KDR: variants seen among roughly 807,000 people sequenced by gnomAD.
The protein encoded by KDR is kinase insert domain receptor, also known as vascular endothelial growth factor receptor 2.
In KDR, 43 loss-of-function variants were observed where a neutral mutation model predicts 160.9. That is an observed-to-expected ratio of 0.27 (90% CI 0.21 to 0.34). KDR has a LOEUF of 0.34. Ranked by LOEUF, KDR falls within the 10% of genes least tolerant of loss-of-function variation. The pLI, the probability that KDR is intolerant of heterozygous loss-of-function variation, is 1.00. For synonymous variants in KDR, 617 were observed against 600.1 expected (o/e 1.03, Z -0.41); for missense variants, 1,469 against 1,666.4 (o/e 0.88, Z 2.06).
intron 26 of KDR, among the ~76,000 whole-genome samples, chr4:55,088,589 T>G (rs1719928214): frequency 1.3e-5 from 2 of 152,238 alleles, no homozygotes; most frequent in African/African-American, 4.8e-5. Flanking sequence ...CCAGATTTTT[T>G]CTTTGTTTTA....
intron 7 of KDR, among the ~76,000 whole-genome samples, chr4:55,112,586 T>C (rs1400505424): frequency 6.8e-6 from 1 of 146,380 alleles, no homozygotes; most frequent in East Asian, 2.0e-4. Flanking sequence ...TGGGGTACAA[T>C]GGCACGATCT....
At chr4:55,116,083 A>C (rs1222021256) in intron 3 of KDR, among the ~76,000 whole-genome samples, 3 of 152,176 alleles carry the variant, frequency 2.0e-5, no homozygotes, top group Admixed American at 6.5e-5. Context: ...TTCAATGACA[A>C]ACATTTGAAA....
rs2125490 is a variant in KDR, at chr4:55,120,587, T to C, written c.161+510A>G. ...TCATGCGCTCAGTAATATTACCCAC[T>C]AAATATTAAATTGCTATTAAATATT... On this transcript the variant is annotated intron_variant, in intron 2 of 29. Coordinates refer to ENST00000263923, the MANE Select transcript of KDR (RefSeq NM_002253.4). Among the ~76,000 whole-genome samples the C allele has an allele frequency of 7.0e-3, 1,060 of 152,298 alleles. 16 individuals carry two copies. Among genetic ancestry groups the C allele is most frequent in the African/African-American group, 0.024 (1,001 of 41,558 alleles).
intron 27 of KDR, 31 bp downstream of exon 27, chr4:55,087,576 C>G: frequency 6.2e-7 from 1 of 1,610,644 alleles, no homozygotes; most frequent in Non-Finnish European, 8.5e-7. Flanking sequence ...AAGTCACCCT[C>G]CCCCGGGGGA....
chr4:55,098,335 T>G, intron 16 of KDR, 63 bp from the exon 17 acceptor site: 1 of 1,580,764 alleles, frequency 6.3e-7, no homozygotes, highest in South Asian at 1.1e-5. Context: ...TTTGTGTGCT[T>G]GTTATTGCTG....
At position 55,096,277 on chromosome 4, in the gene KDR, G is replaced by A. The variant is rs1427460930; in HGVS notation, c.2680C>T (p.His894Tyr). The A allele has an allele frequency of 3.7e-6, 6 of 1,613,506 alleles. No homozygotes were observed. The highest frequency in any genetic ancestry group is 5.1e-6 in the Non-Finnish European group (6 of 1,179,742). Residue 894 changes from histidine to tyrosine, a missense_variant, in exon 19 of 30, where the codon CAC becomes TAC. His to Tyr is a moderately conservative substitution (Grantham distance 83). Coordinates refer to ENST00000263923, the MANE Select transcript of KDR (RefSeq NM_002253.4). ...AGAAGGTTGACCACATTGAGATGGT[G>A]ACCAATATGAATGAGGATCTTGAGT... ...SELKILIHIG[H>Y]HLNVVNLLGA...
At chr4:55,114,000 T>C in intron 6 of KDR, 126 bp downstream of exon 6, 1 of 904,134 alleles carries the variant, frequency 1.1e-6, no homozygotes, top group Non-Finnish European at 1.9e-6. Flanking sequence ...TGAGTGGGTG[T>C]GTATGTGTGT....
At chr4:55,110,898 A>G (rs773863527) in intron 7 of KDR, 130 bp from the exon 8 acceptor site, 61 of 717,984 alleles carry the variant, frequency 8.5e-5, no homozygotes, top group Non-Finnish European at 1.2e-4. Flanking sequence ...TTCCTGTACT[A>G]TCTTTCAGTG....
chr4:55,084,424 G>A (rs1719809347), intron 27 of KDR, among the ~76,000 whole-genome samples: 1 of 152,184 alleles, frequency 6.6e-6, no homozygotes, highest in Non-Finnish European at 1.5e-5. Flanking sequence ...AACTAGGGTT[G>A]GCGAGTTTGG....
intron 13 of KDR, among the ~76,000 whole-genome samples, chr4:55,103,167 G>C (rs1295293510): frequency 6.6e-6 from 1 of 152,132 alleles, no homozygotes; most frequent in African/African-American, 2.4e-5. Flanking sequence ...AATACCCTAA[G>C]GGAAGTCTTG....
chr4:55,091,283 T>C (rs1720005654), intron 22 of KDR, among the ~76,000 whole-genome samples: 1 of 152,190 alleles, frequency 6.6e-6, no homozygotes, highest in Non-Finnish European at 1.5e-5. Flanking sequence ...TCTAGCACAA[T>C]TGAGCAACAC....
chr4:55,088,409 T>C (rs895088090), intron 26 of KDR, among the ~76,000 whole-genome samples: 6 of 152,212 alleles, frequency 3.9e-5, no homozygotes, highest in Non-Finnish European at 8.8e-5. Context: ...TTAAATAACA[T>C]TCTAATAGTA....
chr4:55,110,867 G>T, intron 7 of KDR, 99 bp from the exon 8 acceptor site: 2 of 940,244 alleles, frequency 2.1e-6, no homozygotes, highest in Non-Finnish European at 3.3e-6. Context: ...TTGAGGGTCT[G>T]AGTAGCTGCA....
At chr4:55,102,073 T>C (rs1256379163) in intron 14 of KDR, 45 bp from the exon 15 acceptor site, 2 of 1,612,672 alleles carry the variant, frequency 1.2e-6, no homozygotes, top group Admixed American at 3.3e-5. Context: ...GATGATGTAG[T>C]CTGTGAAGTT....
At chr4:55,103,911 G>C (rs1466442612) in intron 13 of KDR, among the ~76,000 whole-genome samples, 1 of 152,164 alleles carries the variant, frequency 6.6e-6, no homozygotes, top group Non-Finnish European at 1.5e-5. Flanking sequence ...AGCCATGGCT[G>C]CCCAGCTTTT....
intron 18 of KDR, 27 bp downstream of exon 18, chr4:55,097,631 AAGAT>A (rs1332522767): frequency 8.0e-6 from 11 of 1,369,138 alleles, no homozygotes; most frequent in Non-Finnish European, 1.1e-5. Context: ...ATAAAACAGA[AAGAT>A]AGATCACCAC....
In KDR at chr4:55,087,730, A is replaced by G. The variant is rs760114131; in HGVS notation, c.3539T>C (p.Ile1180Thr). 6.2e-6 allele frequency: 10 copies of G among 1,614,064 alleles called. No individual in the cohort carries two copies. Among genetic ancestry groups the G allele is most frequent in the African/African-American group, 1.3e-5 (1 of 74,946 alleles). Residue 1180 changes from isoleucine to threonine, a missense_variant, in exon 27 of 30, where the codon ATA becomes ACA. Transcript: ENST00000263923. ...QDGKDYIVLP[I>T]SETLSMEEDS... ...CTCTTCCATGCTCAAAGTCTCTGATATCGGAAGAACAATGTAGTCTTTGCC... is the reference window on the plus strand; with the variant it reads ...CTCTTCCATGCTCAAAGTCTCTGATGTCGGAAGAACAATGTAGTCTTTGCC...
intron 10 of KDR, 95 bp downstream of exon 10, chr4:55,107,642 G>A (rs889616591): frequency 2.5e-5 from 39 of 1,544,494 alleles, no homozygotes; most frequent in Non-Finnish European, 3.3e-5. Context: ...ACTTTTTTTG[G>A]TTTAGGCTTC....
Position 55,096,345 on chromosome 4 carries a change from A to G in KDR, c.2615-3T>C. On this transcript the variant is annotated splice_polypyrimidine_tract_variant and splice_region_variant and intron_variant, in intron 18 of 29. Transcript: ENST00000263923. Reference sequence around the variant, plus strand: ...ATGCTCACTGTGTGTTGCTCCTTCTACAAATACAGTACAAAGAGGGAAATC... The same window carrying G: ...ATGCTCACTGTGTGTTGCTCCTTCTGCAAATACAGTACAAAGAGGGAAATC... 6.3e-7 allele frequency: 1 copy of G among 1,598,008 alleles called. No individual in the cohort carries two copies. Among genetic ancestry groups the G allele is most frequent in the Non-Finnish European group, 8.6e-7 (1 of 1,165,938 alleles).
Sources: allele counts gnomAD v4.1 joint callset (sites outside exome capture counted in the v4.1 genomes callset), GRCh38; gene constraint gnomAD v4.1.1; transcripts MANE v1.5; gene names NCBI Gene and HGNC (gene_info 2026-07-23, HGNC 2026-07-21).